The following HSPB8 variants were observed in gnomAD, a reference collection of about 807,000 sequenced individuals.
The protein encoded by HSPB8 is heat shock protein family B (small) member 8, also known as heat shock protein beta-8.
In HSPB8, 9 loss-of-function variants were observed where a neutral mutation model predicts 16.5. The ratio of observed to expected loss-of-function variants is 0.55; its 90% CI spans 0.33 to 0.95. The LOEUF (loss-of-function observed/expected upper bound fraction) is 0.95. HSPB8 is among the 40% of genes least tolerant of loss of function. HSPB8 has a pLI of 0.03. For synonymous variants in HSPB8, 99 were observed against 94.8 expected, an observed-to-expected ratio of 1.04 and a Z score of -0.26; for missense variants, 238 against 251.2, an observed-to-expected ratio of 0.95 and a Z score of 0.35.
intron 2 of HSPB8, among the ~76,000 whole-genome samples, chr12:119,190,294 G>A (rs1954704616): frequency 6.6e-6 from 1 of 152,168 alleles, no homozygotes; most frequent in African/African-American, 2.4e-5. Flanking sequence ...CCAATCTCAG[G>A]AGTCCTCGTT....
At chr12:119,182,583 A>C (rs929816642) in intron 1 of HSPB8, among the ~76,000 whole-genome samples, 1 of 152,194 alleles carries the variant, frequency 6.6e-6, no homozygotes, top group Admixed American at 6.5e-5. Context: ...GGTTGCAGTG[A>C]GCTGAGACCG....
intron 1 of HSPB8, among the ~76,000 whole-genome samples, chr12:119,186,453 G>A (rs749127235): frequency 6.6e-6 from 1 of 152,206 alleles, no homozygotes; most frequent in African/African-American, 2.4e-5. Context: ...TCAAAGCTCA[G>A]AGCCACCAGG....
Position 119,193,739 on chromosome 12 carries a change from C to T in HSPB8, c.472C>T (p.Leu158Phe), listed in dbSNP as rs144662422. 7 of 1,614,230 alleles carry T rather than the reference C, an allele frequency of 4.3e-6. No homozygotes were observed. The highest frequency in any genetic ancestry group is 5.9e-6 in the Non-Finnish European group (7 of 1,180,026). Residue 158 changes from leucine to phenylalanine, a missense_variant, in exon 3 of 3, where the codon CTT (leucine) becomes TTT (phenylalanine). Leu to Phe is a conservative substitution (Grantham distance 22). Transcript: ENST00000281938. ...GGATCCTGTGACAGTATTTGCCTCA[C>T]TTTCCCCAGAGGGTCTGCTGATCAT... ...EVDPVTVFAS[L>F]SPEGLLIIEA...
intron 1 of HSPB8, among the ~76,000 whole-genome samples, chr12:119,180,601 G>A (rs1485300884): frequency 6.6e-6 from 1 of 152,146 alleles, no homozygotes; most frequent in Non-Finnish European, 1.5e-5. Flanking sequence ...ACAGCTTTAG[G>A]CCCAGGGCTC....
chr12:119,193,975 G>C lies in HSPB8; in HGVS notation c.*117G>C. On this transcript the variant is annotated 3_prime_UTR_variant, in exon 3 of 3. Coordinates refer to ENST00000281938, the MANE Select transcript of HSPB8 (RefSeq NM_014365.3). ...GCAAGTAAAATGTTAGAGGGTGCGG[G>C]GGTGAGGACTGACCACAGATTCCCT... 19 of 1,123,970 alleles carry C rather than the reference G, an allele frequency of 1.7e-5. No homozygotes were observed. Among genetic ancestry groups the C allele is most frequent in the East Asian group, 1.7e-4 (7 of 41,752 alleles). The allele number at this position is 1,123,970 out of a possible 1,614,324, so 69.6% of individuals were successfully genotyped here. A position where few individuals can be genotyped will look rare whatever the true frequency, so the allele number is the denominator to read the frequency against.
chr12:119,181,404 G>A (rs1422796610), intron 1 of HSPB8, among the ~76,000 whole-genome samples: 1 of 152,180 alleles, frequency 6.6e-6, no homozygotes, highest in East Asian at 1.9e-4. Context: ...GAGACAAATG[G>A]TCGCATTCTT....
chr12:119,192,289 G>T (rs915986216), intron 2 of HSPB8, among the ~76,000 whole-genome samples: 2 of 152,088 alleles, frequency 1.3e-5, no homozygotes, highest in African/African-American at 4.8e-5. Context: ...TGTAGAATGG[G>T]CATATTAATT....
At chr12:119,180,494 C>A (rs1198359299) in intron 1 of HSPB8, among the ~76,000 whole-genome samples, 2 of 152,124 alleles carry the variant, frequency 1.3e-5, no homozygotes, top group East Asian at 1.9e-4. Context: ...GCAGGGTAGG[C>A]CCATCTTGCA....
Position 119,179,390 on chromosome 12 carries a change from C to T in HSPB8, c.78C>T (p.Leu26=), listed in dbSNP as rs1420779440. 1.2e-6 allele frequency: 2 copies of T among 1,614,174 alleles called. No individual in the cohort carries two copies. The highest frequency in any genetic ancestry group is 1.7e-5 in the Admixed American group (1 of 60,022). ...LRRDPFRDSP[L]SSRLLDDGFG... ...GAGACCCCTTCCGGGACTCTCCCCT[C>T]TCCTCTCGCCTGCTGGATGATGGCT... The change falls in exon 1 of 3, where the codon CTC becomes CTT. Residue 26 remains leucine (L), a synonymous_variant. Transcript: ENST00000281938.
chr12:119,182,390 G>A lies in HSPB8; in HGVS notation c.367+2711G>A, dbSNP rs572900433. ...GCGGTGGCTCATGCCTGTAATCCCA[G>A]CATTTTGGGAGGCCAAGGCGGGAGG... On this transcript the variant is annotated intron_variant, in intron 1 of 2. Coordinates refer to ENST00000281938, the MANE Select transcript of HSPB8 (RefSeq NM_014365.3). Among the ~76,000 whole-genome samples, 4 of 152,268 alleles carry A rather than the reference G, an allele frequency of 2.6e-5. 1 individual carries two copies. Among genetic ancestry groups the A allele is most frequent in the African/African-American group, 7.2e-5 (3 of 41,540 alleles).
In HSPB8 at chr12:119,179,565, G is replaced by A; in HGVS notation, c.253G>A (p.Gly85Ser). The A allele has an allele frequency of 6.2e-7, 1 of 1,613,064 alleles. No homozygotes were observed. The highest frequency in any genetic ancestry group is 1.1e-5 in the South Asian group (1 of 91,020). ...CGCCAGGTTTGGGGTGCCTGCCGAG[G>A]GCAGGACCCCCCCACCCTTCCCTGG... is the stretch of plus-strand genomic sequence containing the variant. Reference protein sequence around the residue: ...ATARFGVPAEGRTPPPFPGEP... With the variant: ...ATARFGVPAESRTPPPFPGEP... The change falls in exon 1 of 3, where the codon GGC (glycine) becomes AGC (serine). Residue 85 changes from glycine (G) to serine (S), a missense_variant. Physicochemically the swap from Gly to Ser is moderately conservative, Grantham distance 56. Transcript: ENST00000281938.
At chr12:119,179,924 G>T (rs1055753468) in intron 1 of HSPB8, among the ~76,000 whole-genome samples, 8 of 152,156 alleles carry the variant, frequency 5.3e-5, no homozygotes, top group African/African-American at 1.9e-4. Context: ...TCATGGTACA[G>T]ACAGGAAAAT....
rs571264992 is a variant in HSPB8 at position 119,186,518 on chromosome 12, C to A, written c.368-507C>A. 9.2e-5 allele frequency among the ~76,000 whole-genome samples: 14 copies of A among 152,234 alleles called. No individual in the cohort carries two copies. In the East Asian group the frequency reaches 2.3e-3, roughly 25 times the overall value. ...CAAGCCTCAGTTTCCATGTTGGAAA[C>A]AAAGGGAGAACGACGTCTGGGCTCA... On this transcript the variant is annotated intron_variant, in intron 1 of 2. Transcript: ENST00000281938.
chr12:119,187,940 TG>T (rs912971105), intron 2 of HSPB8, among the ~76,000 whole-genome samples: 17 of 152,126 alleles, frequency 1.1e-4, no homozygotes, highest in African/African-American at 4.1e-4. Flanking sequence ...GTTTGGAGGC[TG>T]AGACACTGGG....
At position 119,187,008 on chromosome 12, in the gene HSPB8, A is replaced by T; in HGVS notation, c.368-17A>T. On this transcript the variant is annotated splice_polypyrimidine_tract_variant and intron_variant, in intron 1 of 2. Transcript: ENST00000281938. Reference sequence around the variant, plus strand: ...AGGAACATAGATGCTGACACGCCACACTTTTCTTCCTTCCAGGCAAACATG... The same window carrying T: ...AGGAACATAGATGCTGACACGCCACTCTTTTCTTCCTTCCAGGCAAACATG... 1 of 1,613,574 alleles carries T rather than the reference A, an allele frequency of 6.2e-7. No individual in the cohort carries two copies. The highest frequency in any genetic ancestry group is 8.5e-7 in the Non-Finnish European group (1 of 1,179,602).
intron 1 of HSPB8, among the ~76,000 whole-genome samples, chr12:119,185,326 A>G (rs1954668202): frequency 6.6e-6 from 1 of 151,252 alleles, no homozygotes; most frequent in South Asian, 2.1e-4. Flanking sequence ...GGATAATAAT[A>G]ATAATAGTAA....
rs1172111624 is a variant in HSPB8, at chr12:119,179,134, C to T, written c.-179C>T. 5 of 693,246 alleles carry T rather than the reference C, an allele frequency of 7.2e-6. No individual in the cohort carries two copies. In the Admixed American group the frequency reaches 1.1e-4, roughly 15 times the overall value. 42.9% of individuals were successfully genotyped at this position (693,246 alleles called of 1,614,324 possible). ...GGGGGTTACCTTTGGGGGCTGGGACCCCAGTCGAGGGGACACAACCGTCCC... is the reference window on the plus strand; with the variant it reads ...GGGGGTTACCTTTGGGGGCTGGGACTCCAGTCGAGGGGACACAACCGTCCC... On this transcript the variant is annotated 5_prime_UTR_variant, in exon 1 of 3. Coordinates refer to ENST00000281938, the MANE Select transcript of HSPB8 (RefSeq NM_014365.3).
At chr12:119,184,430 G>A (rs957415719) in intron 1 of HSPB8, among the ~76,000 whole-genome samples, 2 of 152,188 alleles carry the variant, frequency 1.3e-5, no homozygotes, top group South Asian at 4.1e-4. Context: ...CAAAAGGGCT[G>A]AGTCAGAGGC....
intron 2 of HSPB8, 31 bp downstream of exon 2, chr12:119,187,119 T>C (rs1199362788): frequency 6.3e-7 from 1 of 1,592,334 alleles, no homozygotes; most frequent in Middle Eastern, 1.7e-4. Context: ...GAGCTCAGGG[T>C]GGGAGTGGAG....
Sources: allele counts gnomAD v4.1 joint callset (sites outside exome capture counted in the v4.1 genomes callset), GRCh38; gene constraint gnomAD v4.1.1; transcripts MANE v1.5; gene names NCBI Gene and HGNC (gene_info 2026-07-23, HGNC 2026-07-21).